PTPRT: variants seen among roughly 807,000 people sequenced by gnomAD.
The protein encoded by PTPRT is protein tyrosine phosphatase receptor type T.
PTPRT carries 56 observed loss-of-function variants against 176.8 expected under a neutral mutation model. The ratio of observed to expected loss-of-function variants is 0.32; its 90% CI spans 0.26 to 0.40. PTPRT has a LOEUF of 0.40. Among genes scored for constraint, PTPRT ranks in the 10% least tolerant of loss-of-function variants. The probability of loss-of-function intolerance (pLI) is 1.00; values close to 1 mark genes in which losing one functional copy is unlikely to be tolerated. For synonymous variants in PTPRT, 783 were observed against 739.0 expected (o/e 1.06, Z -0.96); for missense variants, 1,540 against 1,908.2 (o/e 0.81, Z 3.60).
intron 6 of PTPRT, among the ~76,000 whole-genome samples, chr20:42,714,906 A>T (rs2076200397): frequency 2.0e-5 from 3 of 152,174 alleles, no homozygotes; most frequent in Admixed American, 2.0e-4. Context: ...TTGCAAGGTA[A>T]AACTCTGTAA....
At chr20:42,581,259 A>G (rs74661224) in intron 7 of PTPRT, among the ~76,000 whole-genome samples, 1,760 of 152,286 alleles carry the variant, frequency 0.012, 32 homozygotes, top group African/African-American at 0.032. Context: ...CCTACTCTTT[A>G]AAATTATTAA....
intron 7 of PTPRT, among the ~76,000 whole-genome samples, chr20:42,652,057 AAAACAAAAAC>A (rs1373090691): frequency 1.3e-5 from 2 of 150,772 alleles, no homozygotes; most frequent in Non-Finnish European, 2.9e-5. Flanking sequence ...CAAAAAAACA[AAAACAAAAAC>A]AAACAAAAAA....
intron 17 of PTPRT, among the ~76,000 whole-genome samples, chr20:42,142,555 G>T (rs563640987): frequency 6.6e-6 from 1 of 152,172 alleles, no homozygotes; most frequent in East Asian, 1.9e-4. Flanking sequence ...AGTTACAGTA[G>T]TCCTCCCTTA....
chr20:42,651,101 G>C (rs772158662), intron 7 of PTPRT, among the ~76,000 whole-genome samples: 11 of 152,058 alleles, frequency 7.2e-5, no homozygotes, highest in Non-Finnish European at 1.2e-4. Context: ...AATGGTGTCA[G>C]ATTATAAAGG....
At chr20:43,151,732 A>G (rs560232451) in intron 1 of PTPRT, among the ~76,000 whole-genome samples, 1 of 152,124 alleles carries the variant, frequency 6.6e-6, no homozygotes, top group South Asian at 2.1e-4. Context: ...GCATGGTGGC[A>G]CATATCTGTA....
chr20:43,173,712 A>G (rs1159923807), intron 1 of PTPRT, among the ~76,000 whole-genome samples: 1 of 152,156 alleles, frequency 6.6e-6, no homozygotes, highest in East Asian at 1.9e-4. Context: ...AGGGGCAGCT[A>G]TATCTAGGGG....
At chr20:42,041,998 G>A in the PTPRT span, among the ~76,000 whole-genome samples, 1 of 152,124 alleles carries the variant, frequency 6.6e-6, no homozygotes, top group Non-Finnish European at 1.5e-5. Context: ...CCTGCATTTA[G>A]TGTCAAGCCT....
intron 9 of PTPRT, among the ~76,000 whole-genome samples, chr20:42,407,844 A>T (rs1458568012): frequency 6.6e-6 from 1 of 152,174 alleles, no homozygotes; most frequent in Non-Finnish European, 1.5e-5. Flanking sequence ...TACATAAAAA[A>T]TCAAGAGCAA....
chr20:42,260,156 C>T (rs1475277035), intron 13 of PTPRT, among the ~76,000 whole-genome samples: 2 of 152,138 alleles, frequency 1.3e-5, no homozygotes, highest in South Asian at 2.1e-4. Flanking sequence ...CCCAGCTCTG[C>T]TTAAACAAAA....
intron 3 of PTPRT, among the ~76,000 whole-genome samples, chr20:42,784,468 C>G (rs2077260056): frequency 6.6e-6 from 1 of 152,096 alleles, no homozygotes; most frequent in African/African-American, 2.4e-5. Flanking sequence ...TTTACCCTAT[C>G]AGCCCAAGGA....
At chr20:42,268,436 GCA>G (rs1285360853) in intron 13 of PTPRT, among the ~76,000 whole-genome samples, 1 of 152,106 alleles carries the variant, frequency 6.6e-6, no homozygotes, top group African/African-American at 2.4e-5. Flanking sequence ...GGAACAGCTC[GCA>G]CACACTCTGG....
intron 2 of PTPRT, among the ~76,000 whole-genome samples, chr20:42,848,524 G>T (rs952076899): frequency 6.6e-6 from 1 of 152,176 alleles, no homozygotes; most frequent in Non-Finnish European, 1.5e-5. Flanking sequence ...CTTGCAGGAG[G>T]AGTAAAGTGG....
chr20:42,845,219 G>C (rs79093558), intron 2 of PTPRT, among the ~76,000 whole-genome samples: 4 of 152,040 alleles, frequency 2.6e-5, no homozygotes, highest in Non-Finnish European at 5.9e-5. Flanking sequence ...TTTCTGTTTC[G>C]GGTGTTCTTG....
the PTPRT span, among the ~76,000 whole-genome samples, chr20:42,043,656 T>C: frequency 6.6e-6 from 1 of 152,150 alleles, no homozygotes; most frequent in Non-Finnish European, 1.5e-5. Flanking sequence ...ACATGGAACA[T>C]GAGTGAGAAA....
intron 1 of PTPRT, among the ~76,000 whole-genome samples, chr20:42,973,855 C>T (rs1982794632): frequency 6.6e-6 from 1 of 152,172 alleles, no homozygotes; most frequent in Non-Finnish European, 1.5e-5. Context: ...TACCAGTACT[C>T]CATTTATTCA....
intron 1 of PTPRT, among the ~76,000 whole-genome samples, chr20:43,118,602 G>C (rs2013144061): frequency 6.6e-6 from 1 of 152,076 alleles, no homozygotes; most frequent in Non-Finnish European, 1.5e-5. Context: ...ACCATGCCCG[G>C]CTAATTTTTG....
rs938688776 is a variant in PTPRT at position 42,917,347 on chromosome 20, C to A, written c.89-31415G>T. On this transcript the variant is annotated intron_variant, in intron 1 of 30. Transcript: ENST00000373187. Reference sequence around the variant, plus strand: ...TCTCTGTTTTGGTACCAGTACCATGCTGTTTTGGTTACTGTAGTCTTGTAG... The same window carrying A: ...TCTCTGTTTTGGTACCAGTACCATGATGTTTTGGTTACTGTAGTCTTGTAG... Among the ~76,000 whole-genome samples, 65 of 152,230 alleles carry A rather than the reference C, an allele frequency of 4.3e-4. 1 individual carries two copies. The highest frequency in any genetic ancestry group is 1.4e-3 in the African/African-American group (59 of 41,532).
intron 1 of PTPRT, among the ~76,000 whole-genome samples, chr20:43,084,861 T>A (rs1045195071): frequency 6.6e-6 from 1 of 152,116 alleles, no homozygotes. Flanking sequence ...GGATTATGGG[T>A]TTTTCTTCTT....
At chr20:43,177,761 C>T (rs1055213143) in intron 1 of PTPRT, among the ~76,000 whole-genome samples, 1 of 152,166 alleles carries the variant, frequency 6.6e-6, no homozygotes. Flanking sequence ...TCAAGTCAAC[C>T]TTCAATAAAA....
Sources: gnomAD v4.1 joint callset for allele counts (sites outside exome capture counted in the v4.1 genomes callset) on GRCh38, gnomAD v4.1.1 for gene constraint, MANE v1.5 for transcripts, NCBI Gene and HGNC (gene_info 2026-07-23, HGNC 2026-07-21) for gene names.